The following CACNA1D variants were observed in gnomAD, a reference collection of about 807,000 sequenced individuals.
The protein encoded by CACNA1D is calcium voltage-gated channel subunit alpha1 D.
CACNA1D carries 55 observed loss-of-function variants against 257.1 expected under a neutral mutation model. The ratio of observed to expected loss-of-function variants is 0.21; its 90% CI spans 0.17 to 0.27. The LOEUF is 0.27. Ranked by LOEUF, CACNA1D falls within the 10% of genes least tolerant of loss-of-function variation. CACNA1D has a pLI of 1.00. For synonymous variants in CACNA1D, 980 were observed against 1,014.9 expected (o/e 0.97, Z 0.65); for missense variants, 1,876 against 2,784.0 (o/e 0.67, Z 7.34).
At position 53,811,286 on chromosome 3, in the gene CACNA1D, C is replaced by T. The variant is rs1017007853; in HGVS notation, c.6366C>T (p.Leu2122=). ...RPRANGDVGP[L]SHRQDYELQD... ...GAGCCAACGGGGATGTGGGCCCCCT[C>T]TCACACCGGCAGGACTATGAGCTAC... is the stretch of plus-strand genomic sequence containing the variant. Residue 2122 remains leucine, a synonymous_variant, in exon 48 of 48, where the codon CTC becomes CTT. Transcript: ENST00000350061. This position sits in a 1 kb window ranked among gnomAD's most constrained non-coding sequence, Gnocchi z 4.2. 2 of 1,613,920 alleles carry T rather than the reference C, an allele frequency of 1.2e-6. No individual in the cohort carries two copies. The highest frequency in any genetic ancestry group is 1.7e-6 in the Non-Finnish European group (2 of 1,180,014).
At chr3:53,614,623 T>C (rs2093617435) in intron 3 of CACNA1D, among the ~76,000 whole-genome samples, 1 of 152,210 alleles carries the variant, frequency 6.6e-6, no homozygotes, top group African/African-American at 2.4e-5. Flanking sequence ...AGAATATTTA[T>C]AAGGCCCACA....
chr3:53,527,080 C>CT (rs1227036440), intron 3 of CACNA1D, among the ~76,000 whole-genome samples: 1 of 152,202 alleles, frequency 6.6e-6, no homozygotes. Flanking sequence ...TCACCAAGTA[C>CT]TTTCGTGTCC....
In CACNA1D at chr3:53,593,693, A is replaced by G. The variant is rs575390485; in HGVS notation, c.484-57086A>G. On this transcript the variant is annotated intron_variant, in intron 3 of 47. Coordinates refer to ENST00000350061, the MANE Select transcript of CACNA1D (RefSeq NM_001128840.3). ...AGGGCAGTGGGTATTCTTCCCCCTC[A>G]AAGTGTGGGAAGAGCAGTGCTCCAA... 7.2e-5 allele frequency among the ~76,000 whole-genome samples: 11 copies of G among 152,346 alleles called. No individual in the cohort carries two copies. In the South Asian group the frequency reaches 2.1e-3, roughly 29 times the overall value.
chr3:53,574,559 ACTT>A lies in CACNA1D; in HGVS notation c.483+72845_483+72847del, dbSNP rs1359607519. On this transcript the variant is annotated intron_variant, in intron 3 of 47. Transcript: ENST00000350061. ...GGGGGCTTGTTTTCAGCCCTTAACC[ACTT>A]CTTCTCACAAGCTGGTTAAATTCTA... Among the ~76,000 whole-genome samples, 6 of 152,044 alleles carry A rather than the reference ACTT, an allele frequency of 3.9e-5. No individual in the cohort carries two copies. The East Asian group carries it at 5.8e-4, about 15-fold the overall frequency.
chr3:53,784,031 T>C (rs116304018), intron 39 of CACNA1D, among the ~76,000 whole-genome samples: 1,783 of 152,304 alleles, frequency 0.012, 50 homozygotes, highest in African/African-American at 0.041. Flanking sequence ...GCTTCGCTAG[T>C]GTGCTGTGAG....
intron 43 of CACNA1D, among the ~76,000 whole-genome samples, chr3:53,803,040 T>TG (rs996164314): frequency 6.6e-6 from 1 of 152,072 alleles, no homozygotes; most frequent in Non-Finnish European, 1.5e-5. Context: ...GGGCTGGAGC[T>TG]GGGGGACTAG....
chr3:53,609,496 G>T (rs908068433), intron 3 of CACNA1D, among the ~76,000 whole-genome samples: 1 of 151,016 alleles, frequency 6.6e-6, no homozygotes, highest in Non-Finnish European at 1.5e-5. Flanking sequence ...TCTGAGCTTT[G>T]GTAGCTTGTA....
chr3:53,583,186 G>A (rs1275182118), intron 3 of CACNA1D, among the ~76,000 whole-genome samples: 1 of 152,076 alleles, frequency 6.6e-6, no homozygotes, highest in Non-Finnish European at 1.5e-5. Context: ...AAATAGCTTT[G>A]ATGTGGATAT....
rs149962477 is a variant in CACNA1D, at chr3:53,761,293, A to G, written c.3787-705A>G. On this transcript the variant is annotated intron_variant, in intron 29 of 47. Transcript: ENST00000350061. The stretch of plus-strand genomic sequence containing the variant: ...CCCTGGAACATCCTCTTCATTCCAT[A>G]CTCTTTTCTACTATAGAGCCTGCCT... Among the ~76,000 whole-genome samples the G allele has an allele frequency of 6.4e-3, 980 of 152,028 alleles. 7 individuals are homozygous for G. Among genetic ancestry groups the G allele is most frequent in the Middle Eastern group, 0.02 (6 of 294 alleles).
intron 32 of CACNA1D, among the ~76,000 whole-genome samples, chr3:53,772,144 C>T (rs1553674789): frequency 6.6e-5 from 10 of 152,198 alleles, no homozygotes; most frequent in Non-Finnish European, 8.8e-5. Flanking sequence ...GTCAGACACT[C>T]GTACTTGTAT....
intron 3 of CACNA1D, among the ~76,000 whole-genome samples, chr3:53,642,852 G>A (rs898397685): frequency 2.0e-5 from 3 of 152,188 alleles, no homozygotes; most frequent in Non-Finnish European, 4.4e-5. Flanking sequence ...GCATCCACAG[G>A]GAGAAGTGTA....
intron 43 of CACNA1D, among the ~76,000 whole-genome samples, chr3:53,802,478 C>T (rs891694155): frequency 5.3e-5 from 8 of 152,230 alleles, no homozygotes; most frequent in African/African-American, 1.7e-4. Context: ...TTACAGGGGC[C>T]TCAGCCTGTG....
intron 36 of CACNA1D, 54 bp downstream of exon 36, chr3:53,776,784 CT>C: frequency 1.2e-6 from 2 of 1,613,954 alleles, no homozygotes; most frequent in Non-Finnish European, 1.7e-6. Context: ...GGAATGTCAG[CT>C]TTTTTTGTGG....
chr3:53,512,042 G>T (rs979364142), intron 3 of CACNA1D, among the ~76,000 whole-genome samples: 2 of 152,112 alleles, frequency 1.3e-5, no homozygotes, highest in Non-Finnish European at 2.9e-5. Flanking sequence ...GCTTTGAAAC[G>T]GTGTGAAAGC....
intron 3 of CACNA1D, among the ~76,000 whole-genome samples, chr3:53,504,941 A>G (rs2090762965): frequency 6.6e-6 from 1 of 151,852 alleles, no homozygotes; most frequent in African/African-American, 2.4e-5. Flanking sequence ...CAGAATGGAG[A>G]TCTTCATCTG....
chr3:53,573,102 C>T (rs528826621), intron 3 of CACNA1D, among the ~76,000 whole-genome samples: 25 of 152,314 alleles, frequency 1.6e-4, no homozygotes, highest in African/African-American at 5.5e-4. Context: ...GCTTAGATGT[C>T]GCCTCTGTTA....
intron 3 of CACNA1D, among the ~76,000 whole-genome samples, chr3:53,625,662 A>C (rs2093749897): frequency 6.6e-6 from 1 of 152,170 alleles, no homozygotes; most frequent in Non-Finnish European, 1.5e-5. Context: ...TGTTTTATTA[A>C]TTATTAAGTG....
At chr3:53,541,824 A>G (rs1478196547) in intron 3 of CACNA1D, among the ~76,000 whole-genome samples, 2 of 152,128 alleles carry the variant, frequency 1.3e-5, no homozygotes, top group Non-Finnish European at 2.9e-5. Flanking sequence ...GTATTTGTAT[A>G]ACGGTCTTTT....
Position 53,723,267 on chromosome 3 carries a change from C to G in CACNA1D, c.1667-167C>G, listed in dbSNP as rs1559572389. 6.6e-6 allele frequency among the ~76,000 whole-genome samples: 1 copy of G among 152,140 alleles called. No individual in the cohort carries two copies. On this transcript the variant is annotated intron_variant, in intron 12 of 47. Coordinates refer to ENST00000350061, the MANE Select transcript of CACNA1D (RefSeq NM_001128840.3). This position sits in a 1 kb window ranked among gnomAD's most constrained non-coding sequence, Gnocchi z 5.6. ...GCAGGACCAGAACCTGGTGGACAGA[C>G]TGTCCACGCGAAGGCCACGTTTCTG...
Sources: gnomAD v4.1 joint callset for allele counts (sites outside exome capture counted in the v4.1 genomes callset) on GRCh38, gnomAD v4.1.1 for gene constraint, Gnocchi (gnomAD v3.1) non-coding constraint, MANE v1.5 for transcripts, NCBI Gene and HGNC (gene_info 2026-07-23, HGNC 2026-07-21) for gene names.